Variants in BCR observed in about 807,000 individuals in gnomAD.
The protein encoded by BCR is breakpoint cluster region protein.
A neutral mutation model predicts 138.6 loss-of-function variants in BCR; 58 were observed. The observed-to-expected ratio is 0.42, with a 90% CI of 0.34 to 0.52. BCR has a LOEUF of 0.52. Ranked by LOEUF, BCR falls within the 20% of genes least tolerant of loss-of-function variation. BCR has a pLI of 0.06. For missense variants in BCR, 1,599 were observed against 1,727.2 expected (o/e 0.93, Z 1.32); for synonymous variants, 786 against 730.1 (o/e 1.08, Z -1.23).
intron 4 of BCR, chr22:23,263,410 A>G (rs1271646085): frequency 7.9e-6 from 10 of 1,263,360 alleles, no homozygotes; most frequent in Non-Finnish European, 1.0e-5. Context: ...GTCCCAGTGA[A>G]GGTGTCTCAG....
rs778805934 is a variant in BCR, at chr22:23,289,473, G to C, written c.2603-44G>C. 1.2e-5 allele frequency: 18 copies of C among 1,531,086 alleles called. 1 individual carries two copies. The South Asian group carries it at 1.9e-4, about 16-fold the overall frequency. The allele number at this position is 1,531,086 out of a possible 1,614,324, so 94.8% of individuals were successfully genotyped here. ...CCAGTGGGAGGGGCCAGAGGGCCAAGGAGCAGATTGACCAATTGGTGCACC... is the reference window on the plus strand; with the variant it reads ...CCAGTGGGAGGGGCCAGAGGGCCAACGAGCAGATTGACCAATTGGTGCACC... On this transcript the variant is annotated intron_variant, in intron 12 of 22. Transcript: ENST00000305877.
At chr22:23,229,803 C>T (rs1457847985) in intron 1 of BCR, among the ~76,000 whole-genome samples, 1 of 152,216 alleles carries the variant, frequency 6.6e-6, no homozygotes, top group Non-Finnish European at 1.5e-5. Flanking sequence ...CAGTTCCCCC[C>T]TGAGGGTCCA....
At chr22:23,293,737 G>A (rs5996516) in intron 15 of BCR, among the ~76,000 whole-genome samples, 4 of 151,972 alleles carry the variant, frequency 2.6e-5, no homozygotes, top group East Asian at 3.9e-4. Flanking sequence ...AGCAGGTCAC[G>A]TCCACCACCC....
chr22:23,277,651 T>G (rs1463212342), intron 8 of BCR, among the ~76,000 whole-genome samples: 1 of 152,160 alleles, frequency 6.6e-6, no homozygotes, highest in Non-Finnish European at 1.5e-5. Flanking sequence ...CTGGGCCTCC[T>G]GGGAGGTGGC....
chr22:23,315,473 C>A lies in BCR; in HGVS notation c.3767C>A (p.Pro1256His). The A allele has an allele frequency of 6.2e-7, 1 of 1,613,132 alleles. No homozygotes were observed. The highest frequency in any genetic ancestry group is 8.5e-7 in the Non-Finnish European group (1 of 1,180,016). The change falls in exon 23 of 23, where the codon CCT (proline) becomes CAT (histidine). Residue 1256 changes from proline to histidine, a missense_variant. Pro to His is a moderately conservative substitution (Grantham distance 77). Coordinates refer to ENST00000305877, the MANE Select transcript of BCR (RefSeq NM_004327.4). ...TACTTCCTGCAGCTGGAGGCCATCC[C>A]TGCCCCGGACAGCAAGAGACAGAGC... The part of the protein sequence containing the change: ...LLYFLQLEAI[P>H]APDSKRQSIL...
intron 1 of BCR, among the ~76,000 whole-genome samples, chr22:23,243,374 G>A (rs1272304635): frequency 6.6e-6 from 1 of 152,148 alleles, no homozygotes; most frequent in East Asian, 1.9e-4. Context: ...GCCTGATCTC[G>A]GCTGAACTGA....
intron 1 of BCR, among the ~76,000 whole-genome samples, chr22:23,213,262 A>G (rs1344987808): frequency 6.6e-6 from 1 of 152,174 alleles, no homozygotes; most frequent in Non-Finnish European, 1.5e-5. Flanking sequence ...TCTGCCTGCC[A>G]GGGTAGGCAC....
chr22:23,298,013 C>T (rs935647443), intron 16 of BCR, among the ~76,000 whole-genome samples: 4 of 152,176 alleles, frequency 2.6e-5, no homozygotes, highest in African/African-American at 7.2e-5. Flanking sequence ...AAGAAAAACC[C>T]GAGCTGGACA....
rs140964241 is a variant in BCR at position 23,312,762 on chromosome 22, C to T, written c.3323-125C>T. The stretch of plus-strand genomic sequence containing the variant: ...CTTGGGAGGAGTCAGATGAGCTGCT[C>T]AAAGCCCAGGAGGGACCCGCACAGT... On this transcript the variant is annotated intron_variant, in intron 19 of 22. Coordinates refer to ENST00000305877, the MANE Select transcript of BCR (RefSeq NM_004327.4). 5.9e-4 allele frequency: 619 copies of T among 1,051,182 alleles called. 3 individuals carry two copies. In the African/African-American group the frequency reaches 8.5e-3, roughly 14 times the overall value. 65.1% of individuals were successfully genotyped at this position (1,051,182 alleles called of 1,614,324 possible).
At chr22:23,223,688 G>T (rs937783385) in intron 1 of BCR, among the ~76,000 whole-genome samples, 2 of 152,134 alleles carry the variant, frequency 1.3e-5, no homozygotes, top group Non-Finnish European at 2.9e-5. Context: ...CTCCACTCCA[G>T]TTGGCAAGGG....
chr22:23,182,006 A>C lies in BCR; in HGVS notation c.1046A>C (p.Gln349Pro). The change falls in exon 1 of 23, where the codon CAG becomes CCG. Residue 349 changes from glutamine (Q) to proline (P), a missense_variant. By Grantham distance (76) the Gln-to-Pro change is moderately conservative. Coordinates refer to ENST00000305877, the MANE Select transcript of BCR (RefSeq NM_004327.4). Reference protein sequence around the residue: ...TSSEEDFSSGQSSRVSPSPTT... With the variant: ...TSSEEDFSSGPSSRVSPSPTT... ...AGCGAGGAGGACTTCTCCTCTGGCC[A>C]GTCCAGCCGCGTGTCCCCAAGCCCC... 1 of 1,612,664 alleles carries C rather than the reference A, an allele frequency of 6.2e-7. No homozygotes were observed. Among genetic ancestry groups the C allele is most frequent in the Non-Finnish European group, 8.5e-7 (1 of 1,179,236 alleles).
At chr22:23,265,108 C>T (rs527331696) in intron 4 of BCR, 5 of 152,298 alleles carry the variant, frequency 3.3e-5, no homozygotes, top group Non-Finnish European at 7.4e-5. Flanking sequence ...GATAATATTC[C>T]GAAATCACTC....
chr22:23,185,923 G>A (rs1271684713), intron 1 of BCR, among the ~76,000 whole-genome samples: 2 of 151,982 alleles, frequency 1.3e-5, no homozygotes, highest in Non-Finnish European at 2.9e-5. Context: ...TAGAGACGGG[G>A]TTTCACTGTG....
At chr22:23,263,956 G>A (rs1437932563) in intron 4 of BCR, 4 of 902,104 alleles carry the variant, frequency 4.4e-6, no homozygotes, top group Admixed American at 3.4e-5. Flanking sequence ...GACCTCAACA[G>A]TGGGCAGCTG....
At position 23,181,157 on chromosome 22, in the gene BCR, A is replaced by G; in HGVS notation, c.197A>G (p.Glu66Gly). 2 of 1,448,416 alleles carry G rather than the reference A, an allele frequency of 1.4e-6. No homozygotes were observed. Among genetic ancestry groups the G allele is most frequent in the South Asian group, 2.7e-5 (2 of 73,488 alleles). 89.7% of individuals were successfully genotyped at this position (1,448,416 alleles called of 1,614,324 possible). A position where few individuals can be genotyped will look rare whatever the true frequency, so the allele number is the denominator to read the frequency against. ...MIYLQTLLAK[E>G]KKSYDRQRWG... ...TACCTGCAGACGTTGCTGGCCAAGG[A>G]AAAGAAGAGCTATGACCGGCAGCGA... is the stretch of plus-strand genomic sequence containing the variant. Residue 66 changes from glutamate to glycine, a missense_variant, in exon 1 of 23, where the codon GAA (glutamate) becomes GGA (glycine). Glu to Gly is a moderately conservative substitution (Grantham distance 98). Around this residue, in one of 4 missense-constraint regions of BCR, gnomAD observed 806 missense variants for 635.0 expected, o/e 1.27. Coordinates refer to ENST00000305877, the MANE Select transcript of BCR (RefSeq NM_004327.4).
At chr22:23,294,364 T>C (rs769091161) in intron 15 of BCR, among the ~76,000 whole-genome samples, 3 of 152,216 alleles carry the variant, frequency 2.0e-5, no homozygotes, top group Admixed American at 6.5e-5. Context: ...GCCATAAAAG[T>C]GAACCTGCAT....
intron 1 of BCR, among the ~76,000 whole-genome samples, chr22:23,220,206 C>T (rs1373376228): frequency 6.6e-6 from 1 of 152,238 alleles, no homozygotes; most frequent in African/African-American, 2.4e-5. Context: ...CCAACAGGAT[C>T]TACCTCCCTC....
chr22:23,273,655 G>T lies in BCR; in HGVS notation c.1996G>T (p.Ala666Ser), dbSNP rs758400230. The T allele has an allele frequency of 8.8e-5, 142 of 1,613,788 alleles. No individual in the cohort carries two copies. The highest frequency in any genetic ancestry group is 1.2e-4 in the Non-Finnish European group (136 of 1,180,014). The part of the protein sequence containing the change: ...VLHDLLKHTP[A>S]SHPDHPLLQD... ...GCAGGACTTGCTGAAGCACACTCCT[G>T]CCAGCCACCCTGACCACCCCTTGCT... The change falls in exon 8 of 23, where the codon GCC becomes TCC. Residue 666 changes from alanine to serine, a missense_variant. This residue lies in a region of BCR where 590 missense variants were observed against 762.4 expected (regional missense o/e 0.77). Transcript: ENST00000305877.
At chr22:23,298,790 G>A (rs2073873997) in intron 16 of BCR, among the ~76,000 whole-genome samples, 1 of 152,102 alleles carries the variant, frequency 6.6e-6, no homozygotes, top group South Asian at 2.1e-4. Flanking sequence ...TAGAGACGGG[G>A]TTTCACCATG....
Sources: allele counts gnomAD v4.1 joint callset (sites outside exome capture counted in the v4.1 genomes callset), GRCh38; gene constraint gnomAD v4.1.1; regional missense constraint gnomAD v4.1.1; transcripts MANE v1.5; gene names NCBI Gene and HGNC (gene_info 2026-07-23, HGNC 2026-07-21).